The following NALF1 variants were observed in gnomAD, a reference collection of about 807,000 sequenced individuals.
The protein encoded by NALF1 is NALCN channel auxiliary factor 1.
Under a neutral mutation model 48.4 loss-of-function variants are expected in NALF1, and 3 were observed. The observed-to-expected ratio is 0.06, with a 90% CI of 0.03 to 0.16. The LOEUF is 0.16. NALF1 is among the 10% of genes least tolerant of loss of function. NALF1 has a pLI of 1.00. For missense variants in NALF1, 526 were observed against 571.5 expected (o/e 0.92, Z 0.81); for synonymous variants, 262 against 245.7 (o/e 1.07, Z -0.62).
At chr13:107,196,666 G>A (rs1879399105) in intron 2 of NALF1, among the ~76,000 whole-genome samples, 1 of 152,128 alleles carries the variant, frequency 6.6e-6, no homozygotes, top group African/African-American at 2.4e-5. Context: ...ATAGAGAGAT[G>A]ATAAAACAGT....
At chr13:107,603,308 A>G (rs1210975739) in intron 1 of NALF1, among the ~76,000 whole-genome samples, 3 of 152,228 alleles carry the variant, frequency 2.0e-5, no homozygotes, top group Non-Finnish European at 4.4e-5. Flanking sequence ...TTATAGAGGT[A>G]ACAATTCATT....
At position 107,166,530 on chromosome 13, in the gene NALF1, G is replaced by C. The variant is rs999388164; in HGVS notation, c.*3967C>G. 1.3e-5 allele frequency: 2 copies of C among 152,206 alleles called. No individual in the cohort carries two copies. Among genetic ancestry groups the C allele is most frequent in the African/African-American group, 4.8e-5 (2 of 41,452 alleles). 9.4% of individuals were successfully genotyped at this position (152,206 alleles called of 1,614,324 possible). The stretch of plus-strand genomic sequence containing the variant: ...TGTTGATTTAATGCTTTGAGTAGCA[G>C]GAAAATTGTAAATGTCTTTGTTACT... On this transcript the variant is annotated 3_prime_UTR_variant, in exon 3 of 3. Transcript: ENST00000375915.
At chr13:107,366,864 G>C (rs1385685226) in intron 1 of NALF1, among the ~76,000 whole-genome samples, 1 of 152,170 alleles carries the variant, frequency 6.6e-6, no homozygotes, top group Non-Finnish European at 1.5e-5. Context: ...CAAAGGGGAA[G>C]GAATGGCAGA....
intron 1 of NALF1, among the ~76,000 whole-genome samples, chr13:107,239,958 G>T (rs933845853): frequency 6.6e-6 from 1 of 152,184 alleles, no homozygotes; most frequent in African/African-American, 2.4e-5. Flanking sequence ...GACACCTGGA[G>T]ATTTCTAAAT....
intron 1 of NALF1, among the ~76,000 whole-genome samples, chr13:107,731,905 T>A (rs762658158): frequency 6.6e-6 from 1 of 152,216 alleles, no homozygotes; most frequent in African/African-American, 2.4e-5. Context: ...CTTTCTCTGC[T>A]GCTTCCTTTG....
At chr13:107,472,126 C>G (rs960175562) in intron 1 of NALF1, among the ~76,000 whole-genome samples, 1 of 151,988 alleles carries the variant, frequency 6.6e-6, no homozygotes, top group African/African-American at 2.4e-5. Context: ...GTCAGGAGTT[C>G]GAGACCAGCC....
chr13:107,758,707 G>A (rs943840094), intron 1 of NALF1, among the ~76,000 whole-genome samples: 12 of 152,056 alleles, frequency 7.9e-5, no homozygotes, highest in African/African-American at 1.9e-4. Flanking sequence ...GTGACAGAGC[G>A]AGACTCCATC....
chr13:107,840,440 G>T (rs1880012109), intron 1 of NALF1, among the ~76,000 whole-genome samples: 1 of 152,172 alleles, frequency 6.6e-6, no homozygotes, highest in Non-Finnish European at 1.5e-5. Flanking sequence ...CTTATAACAT[G>T]ACCTTCCTGG....
At chr13:107,746,955 C>A (rs888854508) in intron 1 of NALF1, among the ~76,000 whole-genome samples, 1 of 152,098 alleles carries the variant, frequency 6.6e-6, no homozygotes, top group African/African-American at 2.4e-5. Flanking sequence ...GAAGAAGACA[C>A]AAGGAGAGAA....
intron 1 of NALF1, among the ~76,000 whole-genome samples, chr13:107,582,967 AC>A (rs1339226042): frequency 6.6e-6 from 1 of 152,022 alleles, no homozygotes; most frequent in East Asian, 1.9e-4. Context: ...CTGGTATATC[AC>A]CTTTTCCCCC....
In NALF1 at chr13:107,866,450, T is replaced by C; in HGVS notation, c.147A>G (p.Thr49=). The C allele has an allele frequency of 6.2e-7, 1 of 1,614,126 alleles. No individual in the cohort carries two copies. Among genetic ancestry groups the C allele is most frequent in the Non-Finnish European group, 8.5e-7 (1 of 1,180,026 alleles). Residue 49 remains threonine, a synonymous_variant, in exon 1 of 3, where the codon ACA becomes ACG. Transcript: ENST00000375915. This position sits in a 1 kb window ranked among gnomAD's most constrained non-coding sequence, Gnocchi z 4.4. ...RLSLASLLFF[T]VLLSDHLWFC... is the part of the protein sequence containing the mutation. The stretch of plus-strand genomic sequence containing the variant: ...ACCACAAGTGATCAGAGAGCAGGAC[T>C]GTGAAAAACAAGAGAGATGCCAGAG...
At chr13:107,337,040 CCCCAAAAAAAAAAAAA>C (rs1566488687) in intron 1 of NALF1, among the ~76,000 whole-genome samples, 2 of 39,916 alleles carry the variant, frequency 5.0e-5, no homozygotes. Context: ...TTCTTTCATT[CCCCAAAAAAAAAAAAA>C]AAAAAAAAAA....
chr13:107,416,474 G>A (rs1228988070), intron 1 of NALF1, among the ~76,000 whole-genome samples: 1 of 152,032 alleles, frequency 6.6e-6, no homozygotes, highest in Non-Finnish European at 1.5e-5. Flanking sequence ...TGAACACTAG[G>A]AGGATGAAGA....
chr13:107,171,179 T>C (rs908577131), intron 2 of NALF1, among the ~76,000 whole-genome samples: 7 of 152,354 alleles, frequency 4.6e-5, no homozygotes, highest in Admixed American at 3.9e-4. Context: ...TAGCTAGTTA[T>C]GCTGAGTGAA....
chr13:107,254,062 A>AAAAAAAAAAAAATAT, intron 1 of NALF1, among the ~76,000 whole-genome samples: 11 of 138,680 alleles, frequency 7.9e-5, no homozygotes, highest in Admixed American at 2.3e-4. Flanking sequence ...CAAGTACTAA[A>AAAAAAAAAAAAATAT]ATATATATAT....
chr13:107,300,221 C>A (rs1028946170), intron 1 of NALF1, among the ~76,000 whole-genome samples: 4 of 152,198 alleles, frequency 2.6e-5, no homozygotes, highest in Non-Finnish European at 4.4e-5. Flanking sequence ...ATTAAAAATA[C>A]AATATCCAAA....
intron 1 of NALF1, among the ~76,000 whole-genome samples, chr13:107,710,828 T>C (rs201150211): frequency 1.3e-4 from 6 of 44,712 alleles, no homozygotes; most frequent in South Asian, 7.2e-4. Context: ...TATATACACA[T>C]ACAGAGACAC....
intron 1 of NALF1, among the ~76,000 whole-genome samples, chr13:107,705,423 T>C (rs576160065): frequency 6.6e-6 from 1 of 152,196 alleles, no homozygotes; most frequent in African/African-American, 2.4e-5. Flanking sequence ...CACAGATGTA[T>C]GCACTTGCTT....
chr13:107,668,927 A>T (rs1880924652), intron 1 of NALF1, among the ~76,000 whole-genome samples: 1 of 152,080 alleles, frequency 6.6e-6, no homozygotes, highest in Non-Finnish European at 1.5e-5. Context: ...ATGATCTCCT[A>T]AGTTTTCAAC....
Sources: gnomAD v4.1 joint callset for allele counts (sites outside exome capture counted in the v4.1 genomes callset) on GRCh38, gnomAD v4.1.1 for gene constraint, Gnocchi (gnomAD v3.1) non-coding constraint, MANE v1.5 for transcripts, NCBI Gene and HGNC (gene_info 2026-07-23, HGNC 2026-07-21) for gene names.